The following KNTC1 variants were observed in gnomAD, a reference collection of about 807,000 sequenced individuals.
The protein encoded by KNTC1 is kinetochore-associated protein 1.
A neutral mutation model predicts 314.4 loss-of-function variants in KNTC1; 253 were observed. The observed-to-expected ratio is 0.80, with a 90% confidence interval of 0.73 to 0.89. The LOEUF is 0.89. KNTC1 is among the 40% of genes least tolerant of loss of function. The pLI is 0.00. For missense variants in KNTC1, 2,475 were observed against 2,572.9 expected, an observed-to-expected ratio of 0.96 and a Z score of 0.82; for synonymous variants, 901 against 901.4, an observed-to-expected ratio of 1.00 and a Z score of 0.01.
chr12:122,577,396 T>G (rs544061409), intron 30 of KNTC1, among the ~76,000 whole-genome samples: 3 of 152,306 alleles, frequency 2.0e-5, no homozygotes, highest in South Asian at 4.1e-4. Context: ...TCAGGATGGA[T>G]AGCTGATGCA....
intron 45 of KNTC1, 133 bp downstream of exon 45, chr12:122,601,758 T>G: frequency 1.1e-6 from 1 of 914,022 alleles, no homozygotes; most frequent in Non-Finnish European, 1.5e-6. Context: ...TTTTAGGTTT[T>G]TAAAAATCTT....
chr12:122,608,041 A>G (rs1021144842), intron 51 of KNTC1, among the ~76,000 whole-genome samples: 1 of 152,188 alleles, frequency 6.6e-6, no homozygotes, highest in Admixed American at 6.5e-5. Flanking sequence ...TATAATTCCT[A>G]TATCCACCTA....
chr12:122,539,780 A>C, intron 5 of KNTC1, 26 bp downstream of exon 5: 2 of 1,408,838 alleles, frequency 1.4e-6, no homozygotes, highest in Non-Finnish European at 1.9e-6. Flanking sequence ...TTTTTTTTTG[A>C]ATGACTTTTT....
chr12:122,616,308 G>T (rs902818116), intron 57 of KNTC1, among the ~76,000 whole-genome samples: 8 of 151,590 alleles, frequency 5.3e-5, no homozygotes, highest in Non-Finnish European at 1.2e-4. Context: ...TGTTGCCCAG[G>T]CTGGAGTGCA....
chr12:122,625,776 A>G (rs890598704), intron 63 of KNTC1, among the ~76,000 whole-genome samples: 6 of 152,172 alleles, frequency 3.9e-5, no homozygotes, highest in African/African-American at 1.4e-4. Flanking sequence ...TTTGAACTTA[A>G]GTGCCAGGTA....
intron 20 of KNTC1, among the ~76,000 whole-genome samples, chr12:122,566,519 C>A (rs1311007436): frequency 6.6e-6 from 1 of 150,826 alleles, no homozygotes; most frequent in Admixed American, 6.6e-5. Flanking sequence ...AAGTGATTCT[C>A]CTGCCTCAGC....
rs147169939 is a variant in KNTC1 at position 122,564,449 on chromosome 12, C to T, written c.1604+1750C>T. 7.0e-4 allele frequency among the ~76,000 whole-genome samples: 106 copies of T among 152,118 alleles called. No homozygotes were observed. The East Asian group carries it at 0.018, about 26-fold the overall frequency. ...TAAAAACACAATAAAAGAGAACCCACGCTCCATTCTAGAATTAAAGGGTCC... is the reference window on the plus strand; with the variant it reads ...TAAAAACACAATAAAAGAGAACCCATGCTCCATTCTAGAATTAAAGGGTCC... On this transcript the variant is annotated intron_variant, in intron 20 of 63. Coordinates refer to ENST00000333479, the MANE Select transcript of KNTC1 (RefSeq NM_014708.6).
chr12:122,607,520 A>G (rs1374200994), intron 51 of KNTC1, among the ~76,000 whole-genome samples: 1 of 152,126 alleles, frequency 6.6e-6, no homozygotes, highest in Non-Finnish European at 1.5e-5. Flanking sequence ...ACTTATTTTT[A>G]GCATCATACT....
chr12:122,546,417 A>G, intron 9 of KNTC1, 148 bp downstream of exon 9: 1 of 660,550 alleles, frequency 1.5e-6, no homozygotes. Flanking sequence ...CATACAGAAC[A>G]GTTCTTGACA....
At chr12:122,574,464 A>G (rs966281416) in intron 27 of KNTC1, 84 bp downstream of exon 27, 3 of 834,968 alleles carry the variant, frequency 3.6e-6, no homozygotes, top group Non-Finnish European at 5.6e-6. Flanking sequence ...AAAGCGACAT[A>G]TATTTGTTTT....
chr12:122,544,293 T>G (rs757303584), intron 8 of KNTC1, 24 bp downstream of exon 8: 77 of 1,232,224 alleles, frequency 6.2e-5, no homozygotes, highest in Non-Finnish European at 8.6e-5. Context: ...TAAAGTTTTG[T>G]TTTTTGTTGC....
chr12:122,562,096 C>T (rs931669158), intron 19 of KNTC1, 122 bp downstream of exon 19: 1 of 939,894 alleles, frequency 1.1e-6, no homozygotes, highest in Non-Finnish European at 1.6e-6. Flanking sequence ...CTTTTCTTAT[C>T]TGCAAAATGG....
At chr12:122,608,197 C>T (rs1288434875) in intron 51 of KNTC1, among the ~76,000 whole-genome samples, 1 of 152,166 alleles carries the variant, frequency 6.6e-6, no homozygotes, top group African/African-American at 2.4e-5. Flanking sequence ...ACAGCCTCCG[C>T]CTCCCCGGCT....
In KNTC1 at chr12:122,573,007, C is replaced by T. The variant is rs763502647; in HGVS notation, c.2090C>T (p.Thr697Met). Residue 697 changes from threonine to methionine, a missense_variant, in exon 25 of 64, where the codon ACG (threonine) becomes ATG (methionine). Transcript: ENST00000333479. ...TLVNNLRELI[T>M]LHRKYNCKLA... ...GTAAATAACTTGCGAGAGTTGATCA[C>T]GTTGCATAGGAAGTACAACTGCAAA... 23 of 1,609,952 alleles carry T rather than the reference C, an allele frequency of 1.4e-5. No individual in the cohort carries two copies. Among genetic ancestry groups the T allele is most frequent in the African/African-American group, 2.7e-5 (2 of 74,856 alleles).
chr12:122,548,070 A>G, intron 12 of KNTC1, 101 bp downstream of exon 12: 2 of 618,730 alleles, frequency 3.2e-6, no homozygotes, highest in Non-Finnish European at 5.4e-6. Context: ...ATTAGCTCTT[A>G]GTTCACACAG....
chr12:122,594,014 A>AGACATT (rs1870689238), intron 42 of KNTC1: 3 of 422,784 alleles, frequency 7.1e-6, no homozygotes, highest in African/African-American at 4.0e-5. Context: ...GCAGTAATGG[A>AGACATT]ACTGGTGTTC....
At chr12:122,594,762 A>G (rs574010068) in intron 43 of KNTC1, among the ~76,000 whole-genome samples, 1 of 152,388 alleles carries the variant, frequency 6.6e-6, no homozygotes, top group East Asian at 1.9e-4. Flanking sequence ...TCTGAGTAAT[A>G]AACTTCTAAA....
chr12:122,541,064 A>G lies in KNTC1; in HGVS notation c.446-986A>G, dbSNP rs1335751633. Among the ~76,000 whole-genome samples the G allele has an allele frequency of 4.8e-4, 73 of 152,000 alleles. 1 individual carries two copies. The highest frequency in any genetic ancestry group is 1.5e-5 in the Non-Finnish European group (1 of 67,992). On this transcript the variant is annotated intron_variant, in intron 5 of 63. Coordinates refer to ENST00000333479, the MANE Select transcript of KNTC1 (RefSeq NM_014708.6). ...TGTGTGTCTGTAGTCCCACTTTCTC[A>G]GGAGGCTGAGTTGGGAGGATCTCTT...
chr12:122,573,113 A>AT, intron 25 of KNTC1, 29 bp from the exon 26 acceptor site: 1 of 1,613,718 alleles, frequency 6.2e-7, no homozygotes, highest in South Asian at 1.1e-5. Flanking sequence ...TAGAGTCTGT[A>AT]TTTATTCCAT....
Sources: gnomAD v4.1 joint callset for allele counts (sites outside exome capture counted in the v4.1 genomes callset) on GRCh38, gnomAD v4.1.1 for gene constraint, MANE v1.5 for transcripts, NCBI Gene and HGNC (gene_info 2026-07-23, HGNC 2026-07-21) for gene names.